RXRA: variants seen among roughly 807,000 people sequenced by gnomAD.
RXRA encodes retinoid X receptor alpha.
Under a neutral mutation model 44.5 loss-of-function variants are expected in RXRA, and 5 were observed. That is an observed-to-expected ratio of 0.11 (90% CI 0.06 to 0.24). The LOEUF (loss-of-function observed/expected upper bound fraction) is 0.24. Ranked by LOEUF, RXRA falls within the 10% of genes least tolerant of loss-of-function variation. RXRA has a pLI of 1.00. For missense variants in RXRA, 412 were observed against 646.5 expected, an observed-to-expected ratio of 0.64 and a Z score of 3.93; for synonymous variants, 291 against 271.4, an observed-to-expected ratio of 1.07 and a Z score of -0.71.
At chr9:134,385,741 A>G (rs114297092) in intron 1 of RXRA, among the ~76,000 whole-genome samples, 1 of 152,232 alleles carries the variant, frequency 6.6e-6, no homozygotes, top group African/African-American at 2.4e-5. Flanking sequence ...GCACTCCTGC[A>G]TGCCGGCTGG....
At chr9:134,363,168 C>A (rs1370379301) in intron 1 of RXRA, among the ~76,000 whole-genome samples, 1 of 152,200 alleles carries the variant, frequency 6.6e-6, no homozygotes, top group East Asian at 1.9e-4. Context: ...TGTTGGATGC[C>A]ACGTTCTCCC....
chr9:134,399,908 G>A (rs1349856598), intron 1 of RXRA, among the ~76,000 whole-genome samples: 1 of 152,222 alleles, frequency 6.6e-6, no homozygotes, highest in African/African-American at 2.4e-5. Context: ...CTCCCTGGGA[G>A]AGGAAGCAAG....
At chr9:134,364,068 T>C (rs1830385703) in intron 1 of RXRA, among the ~76,000 whole-genome samples, 1 of 152,140 alleles carries the variant, frequency 6.6e-6, no homozygotes, top group Non-Finnish European at 1.5e-5. Context: ...GCACCAGGTT[T>C]CTCCTCTCCC....
rs4917356 is a variant in RXRA at position 134,365,597 on chromosome 9, T to C, written c.29-36035T>C. On this transcript the variant is annotated intron_variant, in intron 1 of 9. Transcript: ENST00000481739. This position sits in a 1 kb window ranked among gnomAD's most constrained non-coding sequence, Gnocchi z 4.0. ...GGTGATCTGCTTGTCCAGTGGTTTC[T>C]GTGGCTTTTCTGGGGTCCTGGGCTG... Among the ~76,000 whole-genome samples the C allele has an allele frequency of 0.15, 22,688 of 152,116 alleles. 1,941 individuals are homozygous for C. Among genetic ancestry groups the C allele is most frequent in the Middle Eastern group, 0.26 (77 of 294 alleles).
intron 1 of RXRA, among the ~76,000 whole-genome samples, chr9:134,385,042 G>A (rs1402593594): frequency 1.3e-5 from 2 of 152,204 alleles, no homozygotes; most frequent in African/African-American, 2.4e-5. Context: ...TGTGGGCCGT[G>A]AGTCGCTGCT....
At chr9:134,359,423 C>A (rs1564268906) in intron 1 of RXRA, among the ~76,000 whole-genome samples, 1 of 152,154 alleles carries the variant, frequency 6.6e-6, no homozygotes, top group Non-Finnish European at 1.5e-5. Flanking sequence ...TCCCAGGCTC[C>A]ATTCTGCCTC....
chr9:134,413,267 G>A (rs1194522199), intron 4 of RXRA, among the ~76,000 whole-genome samples: 2 of 152,040 alleles, frequency 1.3e-5, no homozygotes, highest in African/African-American at 4.8e-5. Context: ...GGGTGTGGGT[G>A]TGGTATGTCT....
At chr9:134,404,116 A>C (rs1182149034) in intron 2 of RXRA, 1 of 152,050 alleles carries the variant, frequency 6.6e-6, no homozygotes, top group Non-Finnish European at 1.5e-5. Context: ...ATGTGCCCCC[A>C]CTCCTAGCCC....
At chr9:134,330,000 G>T (rs1230939372) in intron 1 of RXRA, among the ~76,000 whole-genome samples, 2 of 152,212 alleles carry the variant, frequency 1.3e-5, no homozygotes, top group Non-Finnish European at 1.5e-5. Flanking sequence ...GTGGTGTGGG[G>T]GCGGGGTGAA....
chr9:134,376,412 G>T (rs1462098002), intron 1 of RXRA, among the ~76,000 whole-genome samples: 1 of 152,184 alleles, frequency 6.6e-6, no homozygotes, highest in Non-Finnish European at 1.5e-5. Context: ...CTTCGCGGGG[G>T]CAGAGGTCCC....
chr9:134,391,926 C>G (rs1402635528), intron 1 of RXRA, among the ~76,000 whole-genome samples: 2 of 152,232 alleles, frequency 1.3e-5, no homozygotes, highest in East Asian at 3.9e-4. Context: ...CCCTTGTCAC[C>G]ACACTTCTGT....
intron 1 of RXRA, among the ~76,000 whole-genome samples, chr9:134,351,378 C>T (rs1017936178): frequency 9.2e-5 from 14 of 152,260 alleles, no homozygotes; most frequent in Admixed American, 6.5e-4. Flanking sequence ...GTCCCGGGCC[C>T]GGCAGGCTGG....
chr9:134,394,709 G>T (rs1354320005), intron 1 of RXRA, among the ~76,000 whole-genome samples: 1 of 152,176 alleles, frequency 6.6e-6, no homozygotes. Flanking sequence ...CCCTCATCTT[G>T]ACATCACGCC....
chr9:134,371,031 G>A (rs1359972282), intron 1 of RXRA, among the ~76,000 whole-genome samples: 3 of 151,710 alleles, frequency 2.0e-5, no homozygotes, highest in African/African-American at 7.3e-5. Flanking sequence ...GCTGAGTGCT[G>A]AAGACAGTGT....
Position 134,401,841 on chromosome 9 carries a change from C to T in RXRA, c.238C>T (p.Pro80Ser), listed in dbSNP as rs1830966175. ...CATGGGCCCCCACTCCATGTCGGTG[C>T]CCACCACACCCACCCTGGGCTTCAG... ...SPMGPHSMSVPTTPTLGFSTG... is the reference protein window; with the variant it reads ...SPMGPHSMSVSTTPTLGFSTG... The change falls in exon 2 of 10, where the codon CCC becomes TCC. Residue 80 changes from proline (P) to serine (S), a missense_variant. This residue lies in a region of RXRA where 156 missense variants were observed against 177.2 expected (regional missense o/e 0.88). Transcript: ENST00000481739. 3 of 1,611,820 alleles carry T rather than the reference C, an allele frequency of 1.9e-6. No individual in the cohort carries two copies. The highest frequency in any genetic ancestry group is 1.3e-5 in the African/African-American group (1 of 74,880).
chr9:134,424,000 T>TC, intron 6 of RXRA: 1 of 985,472 alleles, frequency 1.0e-6, no homozygotes. Context: ...GATGGCTGTG[T>TC]CCGTCGCCAT....
intron 6 of RXRA, chr9:134,423,849 T>C: frequency 1.0e-6 from 1 of 985,428 alleles, no homozygotes; most frequent in Non-Finnish European, 1.2e-6. Flanking sequence ...TAGCCAAGGC[T>C]TTTGCTGAGA....
intron 1 of RXRA, among the ~76,000 whole-genome samples, chr9:134,398,947 G>T (rs979263368): frequency 1.3e-5 from 2 of 152,278 alleles, no homozygotes; most frequent in Admixed American, 1.3e-4. Flanking sequence ...GCCAATTTGT[G>T]CACAGTCATG....
intron 7 of RXRA, among the ~76,000 whole-genome samples, chr9:134,430,473 G>A (rs1831515261): frequency 6.6e-6 from 1 of 152,240 alleles, no homozygotes; most frequent in Non-Finnish European, 1.5e-5. Context: ...GGGTGGTTCA[G>A]GTCCCAGAGT....
Sources: gnomAD v4.1 joint callset for allele counts (sites outside exome capture counted in the v4.1 genomes callset) on GRCh38, gnomAD v4.1.1 for gene constraint, gnomAD v4.1.1 regional missense constraint, Gnocchi (gnomAD v3.1) non-coding constraint, MANE v1.5 for transcripts, NCBI Gene and HGNC (gene_info 2026-07-23, HGNC 2026-07-21) for gene names.